Variants in ACTR3C observed in about 807,000 individuals in gnomAD.
The protein encoded by ACTR3C is actin related protein 3C.
ACTR3C carries 18 observed loss-of-function variants against 26.3 expected under a neutral mutation model. That is an observed-to-expected ratio of 0.68 (90% CI 0.47 to 1.01). ACTR3C has a LOEUF of 1.01. Ranked by LOEUF, ACTR3C falls within the 50% of genes least tolerant of loss-of-function variation. The pLI is 0.00. For synonymous variants in ACTR3C, 55 were observed against 94.5 expected, an observed-to-expected ratio of 0.58 and a Z score of 2.42; for missense variants, 184 against 250.7, an observed-to-expected ratio of 0.73 and a Z score of 1.80.
At chr7:149,900,645 C>A in the ACTR3C span, among the ~76,000 whole-genome samples, 4 of 152,182 alleles carry the variant, frequency 2.6e-5, no homozygotes, top group East Asian at 5.8e-4. Context: ...TTTCCTCTTG[C>A]GTTTTCTAAA....
chr7:150,263,321 A>G (rs557955423), intron 6 of ACTR3C, among the ~76,000 whole-genome samples: 5 of 152,368 alleles, frequency 3.3e-5, no homozygotes, highest in African/African-American at 1.2e-4. Context: ...GTAAGAATCC[A>G]TCTGTCTGTC....
chr7:150,147,549 C>T, the ACTR3C span, among the ~76,000 whole-genome samples: 580 of 152,198 alleles, frequency 3.8e-3, 6 homozygotes, highest in East Asian at 0.014. Context: ...CTCTTTCATC[C>T]ATCCTCCTTA....
chr7:150,250,193 A>G (rs62502645), intron 6 of ACTR3C, among the ~76,000 whole-genome samples: 2,847 of 146,452 alleles, frequency 0.019, 54 homozygotes, highest in Non-Finnish European at 0.027. Flanking sequence ...AAGAAATGAC[A>G]GAATCTGACT....
the ACTR3C span, among the ~76,000 whole-genome samples, chr7:150,116,889 A>G: frequency 0.2 from 29,915 of 147,746 alleles, 3,313 homozygotes; most frequent in Non-Finnish European, 0.24. Context: ...TACACAGTCC[A>G]TCTCACTGGG....
the ACTR3C span, among the ~76,000 whole-genome samples, chr7:150,011,488 G>A: frequency 3.3e-5 from 5 of 152,296 alleles, no homozygotes; most frequent in Admixed American, 6.5e-5. Context: ...GGGAGGCAGA[G>A]GCAGAACAAC....
At chr7:150,089,575 G>A in the ACTR3C span, among the ~76,000 whole-genome samples, 17 of 152,178 alleles carry the variant, frequency 1.1e-4, no homozygotes, top group Non-Finnish European at 2.4e-4. Flanking sequence ...AACCAGCAAG[G>A]AAACAGGAGG....
At chr7:150,091,987 CAAAAAAAAAAAAAAA>C in the ACTR3C span, among the ~76,000 whole-genome samples, 33 of 19,408 alleles carry the variant, frequency 1.7e-3, no homozygotes, top group South Asian at 0.049. Context: ...GACTCCGTCT[CAAAAAAAAAAAAAAA>C]AAAAAAAAAA....
At chr7:150,313,273 G>A (rs11975886) in intron 1 of ACTR3C, among the ~76,000 whole-genome samples, 41,892 of 152,054 alleles carry the variant, frequency 0.28, 5,943 homozygotes, top group East Asian at 0.43. Flanking sequence ...TCTTCTCTAC[G>A]GACACACGTG....
chr7:150,254,504 A>T lies in ACTR3C; in HGVS notation c.565-5450T>A, dbSNP rs28704892. ...ATCTGAGTTCCTTTCTCAGAAAATAAAGGATCAGGCCTCCCAGACAGTATC... is the reference window on the plus strand; with the variant it reads ...ATCTGAGTTCCTTTCTCAGAAAATATAGGATCAGGCCTCCCAGACAGTATC... On this transcript the variant is annotated intron_variant, in intron 6 of 7. Transcript: ENST00000683684. Among the ~76,000 whole-genome samples the T allele has an allele frequency of 5.2e-3, 792 of 152,256 alleles. 12 individuals carry two copies. Among genetic ancestry groups the T allele is most frequent in the African/African-American group, 0.018 (758 of 41,542 alleles).
chr7:149,985,257 A>C, the ACTR3C span, among the ~76,000 whole-genome samples: 1 of 91,164 alleles, frequency 1.1e-5, no homozygotes, highest in Admixed American at 1.1e-4. Context: ...CACACACACG[A>C]AACCCTGCCT....
At chr7:149,966,706 C>T in the ACTR3C span, among the ~76,000 whole-genome samples, 1 of 152,324 alleles carries the variant, frequency 6.6e-6, no homozygotes, top group South Asian at 2.1e-4. Context: ...AAGGAACGAC[C>T]TTGAGGAAGC....
At chr7:149,938,729 A>C in the ACTR3C span, among the ~76,000 whole-genome samples, 1 of 152,028 alleles carries the variant, frequency 6.6e-6, no homozygotes, top group African/African-American at 2.4e-5. Flanking sequence ...TTTGTATACA[A>C]AAAGAGAACG....
the ACTR3C span, among the ~76,000 whole-genome samples, chr7:149,958,980 G>A: frequency 2.1e-4 from 32 of 152,274 alleles, no homozygotes; most frequent in Non-Finnish European, 3.8e-4. Context: ...GTTGAGGCAA[G>A]GGTGGCCCCA....
chr7:149,984,709 G>A, the ACTR3C span, among the ~76,000 whole-genome samples: 1 of 151,912 alleles, frequency 6.6e-6, no homozygotes, highest in Admixed American at 6.6e-5. Context: ...GATATCCACT[G>A]TCCACGTCAT....
chr7:149,886,679 GAC>G, the ACTR3C span, among the ~76,000 whole-genome samples: 5 of 152,198 alleles, frequency 3.3e-5, no homozygotes, highest in African/African-American at 1.2e-4. Context: ...TAAACAGCCA[GAC>G]ACAGTTTCTC....
chr7:150,143,139 C>T, the ACTR3C span, among the ~76,000 whole-genome samples: 4 of 152,238 alleles, frequency 2.6e-5, no homozygotes, highest in South Asian at 4.2e-4. Context: ...ACCCCAATAC[C>T]TATTTCTGAT....
chr7:150,179,602 T>C, the ACTR3C span, among the ~76,000 whole-genome samples: 16 of 149,502 alleles, frequency 1.1e-4, no homozygotes, highest in African/African-American at 4.1e-4. Flanking sequence ...TCTCCCACCT[T>C]AGCCTCCCAA....
At chr7:150,041,895 G>C in the ACTR3C span, among the ~76,000 whole-genome samples, 16 of 129,208 alleles carry the variant, frequency 1.2e-4, no homozygotes, top group South Asian at 8.2e-4. Flanking sequence ...CTCCTGCGAT[G>C]GGGGTCCTCA....
At chr7:150,185,276 C>CGTGT in the ACTR3C span, among the ~76,000 whole-genome samples, 14,180 of 140,320 alleles carry the variant, frequency 0.1, 183 homozygotes, top group Non-Finnish European at 0.11. Flanking sequence ...AAATGTCAGG[C>CGTGT]GTGTGTGTGT....
Sources: allele counts gnomAD v4.1 joint callset (sites outside exome capture counted in the v4.1 genomes callset), GRCh38; gene constraint gnomAD v4.1.1; transcripts MANE v1.5; gene names NCBI Gene and HGNC (gene_info 2026-07-23, HGNC 2026-07-21).